Variants in KCNK13 observed in about 807,000 individuals in gnomAD.
KCNK13 encodes the protein potassium channel subfamily K member 13.
In KCNK13, 12 loss-of-function variants were observed where a neutral mutation model predicts 23.4. The observed-to-expected ratio is 0.51, with a 90% confidence interval of 0.33 to 0.83. The LOEUF is 0.83. Among genes scored for constraint, KCNK13 ranks in the 40% least tolerant of loss-of-function variants. The pLI, the probability that KCNK13 is intolerant of heterozygous loss-of-function variation, is 0.02. For missense variants in KCNK13, 463 were observed against 556.3 expected (o/e 0.83, Z 1.69); for synonymous variants, 231 against 229.5 (o/e 1.01, Z -0.06).
chr14:90,062,628 A>C lies in KCNK13; in HGVS notation c.334+89A>C. 2 of 1,017,152 alleles carry C rather than the reference A, an allele frequency of 2.0e-6. No homozygotes were observed. Among genetic ancestry groups the C allele is most frequent in the Non-Finnish European group, 2.8e-6 (2 of 726,620 alleles). The allele number at this position is 1,017,152 out of a possible 1,614,324, so 63.0% of individuals were successfully genotyped here. A position where few individuals can be genotyped will look rare whatever the true frequency, so the allele number is the denominator to read the frequency against. On this transcript the variant is annotated intron_variant, in intron 1 of 1. Transcript: ENST00000282146. The surrounding 1 kb of genome is among the most constrained non-coding windows in gnomAD (Gnocchi z 4.5). ...GACCGACCCTCTCATCCTTTCATTC[A>C]TCCATCTGGGCGCCCAGCCAGACTC...
chr14:90,156,617 G>C (rs963611275), intron 1 of KCNK13, among the ~76,000 whole-genome samples: 1 of 152,110 alleles, frequency 6.6e-6, no homozygotes, highest in Non-Finnish European at 1.5e-5. Context: ...TTCAAGGAAC[G>C]GGGGCCAAAA....
In KCNK13 at chr14:90,120,397, C is replaced by T. The variant is rs549299483; in HGVS notation, c.334+57858C>T. Among the ~76,000 whole-genome samples the T allele has an allele frequency of 3.3e-4, 50 of 152,184 alleles. No individual in the cohort carries two copies. The South Asian group carries it at 8.9e-3, about 27-fold the overall frequency. On this transcript the variant is annotated intron_variant, in intron 1 of 1. Transcript: ENST00000282146. ...TCTTACACTGCTATAAAGAACTGCC[C>T]GAGATTGGGTAACTTATAAAGAAAA...
intron 1 of KCNK13, among the ~76,000 whole-genome samples, chr14:90,115,462 G>A (rs1889665388): frequency 6.6e-6 from 1 of 152,276 alleles, no homozygotes; most frequent in South Asian, 2.1e-4. Context: ...CTGGAGAGTT[G>A]GAGTCAGAAG....
At chr14:90,141,441 C>G (rs916914048) in intron 1 of KCNK13, among the ~76,000 whole-genome samples, 2 of 152,122 alleles carry the variant, frequency 1.3e-5, no homozygotes, top group Non-Finnish European at 2.9e-5. Context: ...CTTATGCCCT[C>G]TTGGGTTTTT....
chr14:90,160,283 G>C (rs980332469), intron 1 of KCNK13, among the ~76,000 whole-genome samples: 23 of 152,124 alleles, frequency 1.5e-4, no homozygotes, highest in Admixed American at 9.8e-4. Context: ...TGTTGCACCT[G>C]CCCTAACTCC....
intron 1 of KCNK13, among the ~76,000 whole-genome samples, chr14:90,176,210 G>C (rs1275094281): frequency 6.6e-6 from 1 of 152,200 alleles, no homozygotes; most frequent in East Asian, 1.9e-4. Flanking sequence ...TCTGAATTTA[G>C]CCAAGCCTCC....
At chr14:90,123,889 T>G (rs10145873) in intron 1 of KCNK13, among the ~76,000 whole-genome samples, 45,124 of 151,992 alleles carry the variant, frequency 0.3, 6,850 homozygotes, top group Admixed American at 0.38. Flanking sequence ...AACCCCAGCT[T>G]CCCTTTCAAA....
At chr14:90,083,864 G>C (rs1047752296) in intron 1 of KCNK13, among the ~76,000 whole-genome samples, 2 of 152,184 alleles carry the variant, frequency 1.3e-5, no homozygotes, top group African/African-American at 4.8e-5. Flanking sequence ...AGTTGTTCCA[G>C]CATCATTTGT....
chr14:90,062,838 C>A lies in KCNK13; in HGVS notation c.334+299C>A, dbSNP rs1383467893. ...AAGTCCCCAAAGGATTGGAATGATC[C>A]TTAAATTGGAGACGCTCTGCTCTGG... On this transcript the variant is annotated intron_variant, in intron 1 of 1. Coordinates refer to ENST00000282146, the MANE Select transcript of KCNK13 (RefSeq NM_022054.4). This position sits in a 1 kb window ranked among gnomAD's most constrained non-coding sequence, Gnocchi z 4.5. Among the ~76,000 whole-genome samples the A allele has an allele frequency of 1.3e-5, 2 of 152,122 alleles. No homozygotes were observed. The highest frequency in any genetic ancestry group is 2.9e-5 in the Non-Finnish European group (2 of 68,034).
chr14:90,116,107 A>G (rs560531130), intron 1 of KCNK13, among the ~76,000 whole-genome samples: 1 of 152,376 alleles, frequency 6.6e-6, no homozygotes, highest in East Asian at 1.9e-4. Flanking sequence ...TGTCAAGGAT[A>G]TAAATCTTAA....
chr14:90,174,085 T>C (rs796868021), intron 1 of KCNK13, among the ~76,000 whole-genome samples: 3 of 152,144 alleles, frequency 2.0e-5, no homozygotes, highest in East Asian at 3.9e-4. Flanking sequence ...GGCGGGCGGA[T>C]CATGAGGTCA....
chr14:90,064,570 C>T (rs1259116651), intron 1 of KCNK13, among the ~76,000 whole-genome samples: 4 of 152,120 alleles, frequency 2.6e-5, no homozygotes, highest in Admixed American at 1.3e-4. Context: ...ATTCCGAGCC[C>T]CATCCTTTTC....
chr14:90,163,679 T>C (rs1890273946), intron 1 of KCNK13, among the ~76,000 whole-genome samples: 1 of 148,778 alleles, frequency 6.7e-6, no homozygotes. Flanking sequence ...ACTTCACGTT[T>C]CTTATTTATT....
At chr14:90,142,044 C>G (rs61996877) in intron 1 of KCNK13, among the ~76,000 whole-genome samples, 10,837 of 151,784 alleles carry the variant, frequency 0.071, 480 homozygotes, top group Middle Eastern at 0.17. Flanking sequence ...GCCTCAGCCT[C>G]CTAAAGTGCT....
At chr14:90,064,980 G>C (rs191117270) in intron 1 of KCNK13, among the ~76,000 whole-genome samples, 206 of 152,254 alleles carry the variant, frequency 1.4e-3, no homozygotes, top group African/African-American at 4.9e-3. Flanking sequence ...CCCCGTTATA[G>C]ATGAAAAAGC....
chr14:90,128,741 A>C (rs1889832680), intron 1 of KCNK13, among the ~76,000 whole-genome samples: 1 of 152,166 alleles, frequency 6.6e-6, no homozygotes, highest in South Asian at 2.1e-4. Context: ...CCTGAGCAGC[A>C]TTCTCCGAAT....
intron 1 of KCNK13, among the ~76,000 whole-genome samples, chr14:90,178,470 A>G (rs1039947423): frequency 6.6e-6 from 1 of 151,696 alleles, no homozygotes; most frequent in African/African-American, 2.4e-5. Flanking sequence ...TTGTATTTTT[A>G]GTAGAGGAGG....
chr14:90,062,454 G>T lies in KCNK13; in HGVS notation c.249G>T (p.Arg83=). 6.5e-7 allele frequency: 1 copy of T among 1,546,306 alleles called. No homozygotes were observed. The highest frequency in any genetic ancestry group is 8.7e-7 in the Non-Finnish European group (1 of 1,145,794). ...GFLRHYEEAT[R]AGIRVDNVRP... ...TCCGCCACTACGAGGAGGCCACTCG[G>T]GCCGGCATCCGCGTGGACAACGTCC... Residue 83 remains arginine, a synonymous_variant, in exon 1 of 2, where the codon CGG becomes CGT. Transcript: ENST00000282146. The surrounding 1 kb of genome is among the most constrained non-coding windows in gnomAD (Gnocchi z 4.5).
intron 1 of KCNK13, among the ~76,000 whole-genome samples, chr14:90,178,231 C>CAAAAAAAAAAAAAAAAAAAA (rs34726346): frequency 1.3e-5 from 1 of 75,072 alleles, no homozygotes; most frequent in Non-Finnish European, 2.5e-5. Context: ...TTCCTAAAAG[C>CAAAAAAAAAAAAAAAAAAAA]AAAAAAAAAA....
Sources: allele counts gnomAD v4.1 joint callset (sites outside exome capture counted in the v4.1 genomes callset), GRCh38; gene constraint gnomAD v4.1.1; non-coding constraint Gnocchi (gnomAD v3.1); transcripts MANE v1.5; gene names NCBI Gene and HGNC (gene_info 2026-07-23, HGNC 2026-07-21).